GRIN2B: variants seen among roughly 807,000 people sequenced by gnomAD.
GRIN2B encodes glutamate receptor ionotropic, NMDA 2B.
In GRIN2B, 5 loss-of-function variants were observed where a neutral mutation model predicts 114.5. The observed-to-expected ratio is 0.04, with a 90% confidence interval of 0.02 to 0.09. The LOEUF is 0.09. GRIN2B is among the 10% of genes least tolerant of loss of function. GRIN2B has a pLI of 1.00. For synonymous variants in GRIN2B, 787 were observed against 745.1 expected, an observed-to-expected ratio of 1.06 and a Z score of -0.92; for missense variants, 1,108 against 1,943.5, an observed-to-expected ratio of 0.57 and a Z score of 8.08.
chr12:13,759,274 G>T (rs145478200), intron 3 of GRIN2B, among the ~76,000 whole-genome samples: 3 of 151,990 alleles, frequency 2.0e-5, no homozygotes, highest in Non-Finnish European at 4.4e-5. Flanking sequence ...CTCCCAAAGT[G>T]CTGCGATTAC....
chr12:13,700,028 CT>C (rs1950296453), intron 4 of GRIN2B, among the ~76,000 whole-genome samples: 1 of 152,022 alleles, frequency 6.6e-6, no homozygotes, highest in Admixed American at 6.6e-5. Context: ...ACCAGGGAAT[CT>C]TTTTATTGTA....
At position 13,711,877 on chromosome 12, in the gene GRIN2B, G is replaced by A. The variant is rs186416815; in HGVS notation, c.1011-36018C>T. ...ATTTGACCCAGCAATCCCATTACTG[G>A]GTATATACCCAAAAGATTATAAATC... On this transcript the variant is annotated intron_variant, in intron 4 of 13. Transcript: ENST00000609686. 6.6e-3 allele frequency among the ~76,000 whole-genome samples: 1,011 copies of A among 152,048 alleles called. 10 individuals carry two copies. Among genetic ancestry groups the A allele is most frequent in the Non-Finnish European group, 0.012 (783 of 67,978 alleles).
At chr12:13,594,727 G>A (rs1490537920) in intron 10 of GRIN2B, among the ~76,000 whole-genome samples, 1 of 151,606 alleles carries the variant, frequency 6.6e-6, no homozygotes, top group Non-Finnish European at 1.5e-5. Context: ...TGGAAGGGCA[G>A]AAGTGGAGTG....
chr12:13,581,099 G>C (rs76499968), intron 10 of GRIN2B, among the ~76,000 whole-genome samples: 11,188 of 152,212 alleles, frequency 0.074, 485 homozygotes, highest in East Asian at 0.12. Context: ...AGATAATTAT[G>C]AATAGAGCAG....
At chr12:13,783,496 T>C (rs931390695) in intron 3 of GRIN2B, among the ~76,000 whole-genome samples, 7 of 148,892 alleles carry the variant, frequency 4.7e-5, no homozygotes, top group African/African-American at 1.7e-4. Flanking sequence ...AATGCCACCT[T>C]TGTTCCAAGC....
intron 4 of GRIN2B, among the ~76,000 whole-genome samples, chr12:13,708,433 A>C (rs1377629169): frequency 1.3e-5 from 2 of 152,112 alleles, no homozygotes; most frequent in Admixed American, 6.6e-5. Flanking sequence ...ATTTTTCTTA[A>C]TAGAGAAGAT....
chr12:13,692,182 C>T lies in GRIN2B; in HGVS notation c.1011-16323G>A, dbSNP rs78788088. Among the ~76,000 whole-genome samples the T allele has an allele frequency of 2.0e-5, 3 of 152,018 alleles. No homozygotes were observed. The East Asian group carries it at 5.8e-4, about 29-fold the overall frequency. On this transcript the variant is annotated intron_variant, in intron 4 of 13. Transcript: ENST00000609686. ...AGAAGGAATATACTTTTTTATTTTC[C>T]AGGTGGCTTCAGGAGGGGTAACAAA...
rs540164082 is a variant in GRIN2B, at chr12:13,730,349, CA to C, written c.1010+22967del. On this transcript the variant is annotated intron_variant, in intron 4 of 13. Transcript: ENST00000609686. The stretch of plus-strand genomic sequence containing the variant: ...TATGAGCAGGGATAGCCCAATAAAA[CA>C]AGCAAAATTAGATACTAATAACCAA... 9.2e-5 allele frequency among the ~76,000 whole-genome samples: 14 copies of C among 152,264 alleles called. No homozygotes were observed. In the South Asian group the frequency reaches 2.9e-3, roughly 32 times the overall value.
intron 2 of GRIN2B, among the ~76,000 whole-genome samples, chr12:13,915,694 A>G (rs1866705472): frequency 6.6e-6 from 1 of 152,188 alleles, no homozygotes; most frequent in Non-Finnish European, 1.5e-5. Flanking sequence ...ATAGCCACAT[A>G]AGACCAGTGG....
intron 3 of GRIN2B, among the ~76,000 whole-genome samples, chr12:13,847,880 C>T (rs1039022438): frequency 2.6e-5 from 4 of 152,140 alleles, no homozygotes; most frequent in Non-Finnish European, 4.4e-5. Flanking sequence ...GTCCATAAAT[C>T]GTCGGAGTTC....
intron 4 of GRIN2B, among the ~76,000 whole-genome samples, chr12:13,732,464 C>T (rs772187974): frequency 6.6e-6 from 1 of 152,188 alleles, no homozygotes; most frequent in Admixed American, 6.5e-5. Flanking sequence ...CTGTATTCTA[C>T]GTTCTTTGAA....
At chr12:13,566,894 C>CAT in intron 13 of GRIN2B, 131 bp downstream of exon 13, 1 of 741,000 alleles carries the variant, frequency 1.3e-6, no homozygotes, top group East Asian at 2.5e-5. Flanking sequence ...CCTAAGAAAA[C>CAT]ATACATGATG....
chr12:13,909,608 G>A (rs921613990), intron 2 of GRIN2B, among the ~76,000 whole-genome samples: 1 of 152,214 alleles, frequency 6.6e-6, no homozygotes, highest in Non-Finnish European at 1.5e-5. Flanking sequence ...CACTGTGAAA[G>A]CAGATTGCAT....
chr12:13,750,282 G>A (rs961851438), intron 4 of GRIN2B, among the ~76,000 whole-genome samples: 3 of 152,198 alleles, frequency 2.0e-5, no homozygotes, highest in African/African-American at 4.8e-5. Flanking sequence ...GTGGCCACAC[G>A]GGAGCATCTC....
chr12:13,608,487 A>G (rs1244431813), intron 10 of GRIN2B, 116 bp downstream of exon 10: 6 of 747,870 alleles, frequency 8.0e-6, no homozygotes, highest in Non-Finnish European at 1.4e-5. Context: ...ACAAGAAAAC[A>G]TAAGAAAGAA....
chr12:13,786,223 G>A (rs768807098), intron 3 of GRIN2B, among the ~76,000 whole-genome samples: 2 of 152,098 alleles, frequency 1.3e-5, no homozygotes, highest in Non-Finnish European at 2.9e-5. Flanking sequence ...ATTCAGCAAA[G>A]GGTCCCAAGG....
intron 4 of GRIN2B, among the ~76,000 whole-genome samples, chr12:13,750,093 ACTT>A (rs1438750588): frequency 6.6e-6 from 1 of 152,120 alleles, no homozygotes; most frequent in African/African-American, 2.4e-5. Context: ...ATCTGAAGAC[ACTT>A]CTTAAGCCGT....
chr12:13,893,271 A>G (rs1467622843), intron 2 of GRIN2B, among the ~76,000 whole-genome samples: 2 of 152,178 alleles, frequency 1.3e-5, no homozygotes, highest in African/African-American at 4.8e-5. Flanking sequence ...CATATGGCCA[A>G]CTACTGAAGA....
At chr12:13,783,915 T>G (rs548819343) in intron 3 of GRIN2B, among the ~76,000 whole-genome samples, 1 of 152,126 alleles carries the variant, frequency 6.6e-6, no homozygotes, top group African/African-American at 2.4e-5. Context: ...CAAAATTGAA[T>G]GTATACCTAA....
Sources: gnomAD v4.1 joint callset for allele counts (sites outside exome capture counted in the v4.1 genomes callset) on GRCh38, gnomAD v4.1.1 for gene constraint, MANE v1.5 for transcripts, NCBI Gene and HGNC (gene_info 2026-07-23, HGNC 2026-07-21) for gene names.